The following KSR2 variants were observed in gnomAD, a reference collection of about 807,000 sequenced individuals.
KSR2 encodes kinase suppressor of ras 2.
A neutral mutation model predicts 107.8 loss-of-function variants in KSR2; 25 were observed. The observed-to-expected ratio is 0.23, with a 90% CI of 0.17 to 0.32. The LOEUF (loss-of-function observed/expected upper bound fraction) is 0.32. Ranked by LOEUF, KSR2 falls within the 10% of genes least tolerant of loss-of-function variation. The probability of loss-of-function intolerance (pLI) is 1.00; values close to 1 mark genes in which losing one functional copy is unlikely to be tolerated. For missense variants in KSR2, 887 were observed against 1,268.9 expected (o/e 0.70, Z 4.57); for synonymous variants, 480 against 507.0 (o/e 0.95, Z 0.71).
chr12:117,953,281 A>C (rs58100614), intron 1 of KSR2, among the ~76,000 whole-genome samples: 8,943 of 152,272 alleles, frequency 0.059, 852 homozygotes, highest in African/African-American at 0.2. Flanking sequence ...TTCCTCAAAA[A>C]ATTAAAAATA....
chr12:117,943,288 C>G lies in KSR2; in HGVS notation c.180+24788G>C, dbSNP rs150246734. Reference sequence around the variant, plus strand: ...TCTCCATTTCTGAAATTAGTATGAACAATTCATAACCTGGTATATATAACC... The same window carrying G: ...TCTCCATTTCTGAAATTAGTATGAAGAATTCATAACCTGGTATATATAACC... On this transcript the variant is annotated intron_variant, in intron 1 of 19. Transcript: ENST00000339824. Among the ~76,000 whole-genome samples, 1,085 of 152,054 alleles carry G rather than the reference C, an allele frequency of 7.1e-3. 21 individuals carry two copies. Among genetic ancestry groups the G allele is most frequent in the African/African-American group, 0.025 (1,021 of 41,462 alleles).
At chr12:117,949,030 G>A (rs1377310544) in intron 1 of KSR2, among the ~76,000 whole-genome samples, 1 of 152,082 alleles carries the variant, frequency 6.6e-6, no homozygotes, top group African/African-American at 2.4e-5. Context: ...GAAGACTGAG[G>A]TTGCAGCGAG....
chr12:117,708,207 TG>T (rs1886605758), intron 4 of KSR2, among the ~76,000 whole-genome samples: 1 of 152,248 alleles, frequency 6.6e-6, no homozygotes, highest in African/African-American at 2.4e-5. Flanking sequence ...TAAACCATTG[TG>T]ATTCTGCTTT....
chr12:117,851,856 A>T (rs1192415862), intron 3 of KSR2, among the ~76,000 whole-genome samples: 1 of 151,946 alleles, frequency 6.6e-6, no homozygotes, highest in African/African-American at 2.4e-5. Context: ...ATGCCACTGC[A>T]CTGCAGCCTG....
chr12:117,564,752 T>C (rs1878356253), intron 7 of KSR2, among the ~76,000 whole-genome samples: 1 of 152,108 alleles, frequency 6.6e-6, no homozygotes, highest in Non-Finnish European at 1.5e-5. Context: ...GTGTATTATC[T>C]GGTGGGTAAG....
intron 14 of KSR2, among the ~76,000 whole-genome samples, chr12:117,494,163 G>C (rs1872896587): frequency 6.6e-6 from 1 of 152,124 alleles, no homozygotes; most frequent in African/African-American, 2.4e-5. Flanking sequence ...GTATTCCAGG[G>C]AGTGAGATCC....
intron 5 of KSR2, among the ~76,000 whole-genome samples, chr12:117,652,647 G>C (rs1883952621): frequency 1.3e-5 from 2 of 152,136 alleles, no homozygotes; most frequent in East Asian, 3.9e-4. Context: ...CCTTCCCCAA[G>C]GACACCTCCA....
At chr12:117,577,709 A>T (rs1879370692) in intron 7 of KSR2, among the ~76,000 whole-genome samples, 1 of 152,170 alleles carries the variant, frequency 6.6e-6, no homozygotes, top group Admixed American at 6.5e-5. Context: ...TAAAACCATC[A>T]GATCCCATGA....
chr12:117,601,867 TG>T (rs1880975314), intron 5 of KSR2, among the ~76,000 whole-genome samples: 1 of 152,208 alleles, frequency 6.6e-6, no homozygotes. Context: ...AATTCCCACC[TG>T]ACTTCCATCA....
rs1881278612 is a variant in KSR2 at position 117,606,577 on chromosome 12, CT to C, written c.1172-24219del. 5.5e-5 allele frequency among the ~76,000 whole-genome samples: 2 copies of C among 36,404 alleles called. 1 individual carries two copies. The highest frequency in any genetic ancestry group is 1.0e-4 in the Non-Finnish European group (2 of 19,742). 23.9% of individuals were successfully genotyped at this position (36,404 alleles called of 152,430 possible). A position where few individuals can be genotyped will look rare whatever the true frequency, so the allele number is the denominator to read the frequency against. On this transcript the variant is annotated intron_variant, in intron 5 of 19. Coordinates refer to ENST00000339824, the MANE Select transcript of KSR2 (RefSeq NM_173598.6). ...CCTTTCTTCCTCCCCTTCTTCCTCC[CT>C]TCCCTTCTTCCTTCCTTCTTTCCTC... is the stretch of plus-strand genomic sequence containing the variant.
At chr12:117,682,559 A>G (rs1885411985) in intron 4 of KSR2, among the ~76,000 whole-genome samples, 1 of 151,932 alleles carries the variant, frequency 6.6e-6, no homozygotes, top group African/African-American at 2.4e-5. Flanking sequence ...CTGGGAATAC[A>G]GGTGCGCACC....
intron 4 of KSR2, among the ~76,000 whole-genome samples, chr12:117,752,130 C>T (rs563285751): frequency 2.6e-5 from 4 of 152,266 alleles, no homozygotes; most frequent in Admixed American, 2.6e-4. Context: ...ATGATATAGC[C>T]TAGGCCAAGC....
At chr12:117,932,234 C>A (rs1022258075) in intron 1 of KSR2, among the ~76,000 whole-genome samples, 1 of 152,074 alleles carries the variant, frequency 6.6e-6, no homozygotes, top group African/African-American at 2.4e-5. Flanking sequence ...TTGCATTGAG[C>A]TGAGATAGTG....
In KSR2 at chr12:117,680,685, A is replaced by T. The variant is rs561848112; in HGVS notation, c.987-13027T>A. Among the ~76,000 whole-genome samples, 148 of 152,286 alleles carry T rather than the reference A, an allele frequency of 9.7e-4. 1 individual carries two copies. Among genetic ancestry groups the T allele is most frequent in the African/African-American group, 3.4e-3 (141 of 41,552 alleles). On this transcript the variant is annotated intron_variant, in intron 4 of 19. Coordinates refer to ENST00000339824, the MANE Select transcript of KSR2 (RefSeq NM_173598.6). The stretch of plus-strand genomic sequence containing the variant: ...TGGTCGATTAAATTATGGTAATTCC[A>T]TTTGATGGAAACTATGTAGGTGTTA...
At chr12:117,618,531 C>G (rs2136334025) in intron 5 of KSR2, among the ~76,000 whole-genome samples, 1 of 152,124 alleles carries the variant, frequency 6.6e-6, no homozygotes, top group East Asian at 1.9e-4. Flanking sequence ...CTGTGCCCCA[C>G]CCCCCAAATC....
intron 5 of KSR2, among the ~76,000 whole-genome samples, chr12:117,644,067 T>C (rs1490299882): frequency 1.3e-5 from 2 of 152,180 alleles, no homozygotes; most frequent in Admixed American, 1.3e-4. Context: ...GTTGTGTATG[T>C]AGTTCTTGCC....
intron 14 of KSR2, among the ~76,000 whole-genome samples, chr12:117,496,585 A>T (rs772569474): frequency 3.3e-5 from 5 of 152,222 alleles, no homozygotes; most frequent in African/African-American, 4.8e-5. Context: ...TTGGGGGAAA[A>T]ATCAGTGTAT....
At chr12:117,925,601 A>G (rs1338240757) in intron 1 of KSR2, among the ~76,000 whole-genome samples, 1 of 152,224 alleles carries the variant, frequency 6.6e-6, no homozygotes, top group Non-Finnish European at 1.5e-5. Context: ...TATAGTAATG[A>G]CAGCAGCAAT....
At chr12:117,942,221 T>C (rs745951007) in intron 1 of KSR2, among the ~76,000 whole-genome samples, 1 of 152,212 alleles carries the variant, frequency 6.6e-6, no homozygotes, top group Non-Finnish European at 1.5e-5. Context: ...TTATCATCTC[T>C]TTGTGTTGGG....
Sources: gnomAD v4.1 joint callset for allele counts (sites outside exome capture counted in the v4.1 genomes callset) on GRCh38, gnomAD v4.1.1 for gene constraint, MANE v1.5 for transcripts, NCBI Gene and HGNC (gene_info 2026-07-23, HGNC 2026-07-21) for gene names.